Variants in RASA3 observed in about 807,000 individuals in gnomAD.
RASA3 encodes the protein ras GTPase-activating protein 3.
RASA3 carries 73 observed loss-of-function variants against 110.0 expected under a neutral mutation model. That is an observed-to-expected ratio of 0.66 (90% CI 0.55 to 0.81). The LOEUF is 0.81. Ranked by LOEUF, RASA3 falls within the 30% of genes least tolerant of loss-of-function variation. The pLI is 0.00. For missense variants in RASA3, 976 were observed against 1,113.2 expected (o/e 0.88, Z 1.75); for synonymous variants, 500 against 451.4 (o/e 1.11, Z -1.37).
intron 3 of RASA3, among the ~76,000 whole-genome samples, chr13:114,043,732 T>G (rs2078978982): frequency 1.3e-5 from 2 of 151,756 alleles, no homozygotes; most frequent in African/African-American, 4.8e-5. Flanking sequence ...CAGAGAGAAA[T>G]CCAGTGACAC....
chr13:114,101,562 C>G (rs1364675900), intron 1 of RASA3, among the ~76,000 whole-genome samples: 2 of 152,266 alleles, frequency 1.3e-5, no homozygotes, highest in Non-Finnish European at 2.9e-5. Context: ...CCAGCCGGCA[C>G]TGCACGCCGG....
intron 1 of RASA3, among the ~76,000 whole-genome samples, chr13:114,079,983 C>T (rs1022696933): frequency 1.3e-5 from 2 of 152,230 alleles, no homozygotes; most frequent in Non-Finnish European, 2.9e-5. Flanking sequence ...CCCCACGACC[C>T]CTGGCAACAC....
Position 113,992,488 on chromosome 13 carries a change from G to C in RASA3, c.2242C>G (p.Gln748Glu). 6.2e-7 allele frequency: 1 copy of C among 1,611,858 alleles called. No individual in the cohort carries two copies. Among genetic ancestry groups the C allele is most frequent in the Non-Finnish European group, 8.5e-7 (1 of 1,178,714 alleles). ...NLYMSKLEKM[Q>E]EACGSKSVYD... Reference sequence around the variant, plus strand: ...TCTGTGTGCCGGGCAGACTCACCCTGCATCTTCTCCAGCTTGCTCATGTAC... The same window carrying C: ...TCTGTGTGCCGGGCAGACTCACCCTCCATCTTCTCCAGCTTGCTCATGTAC... The change falls in exon 22 of 24, where the codon CAG (glutamine) becomes GAG (glutamate). Residue 748 changes from glutamine to glutamate, a missense_variant. Gln to Glu is a conservative substitution (Grantham distance 29). Around this residue, in one of 4 missense-constraint regions of RASA3, gnomAD observed 132 missense variants for 152.8 expected, o/e 0.86. Transcript: ENST00000334062.
At chr13:114,117,414 G>T (rs2080300794) in intron 1 of RASA3, among the ~76,000 whole-genome samples, 1 of 147,320 alleles carries the variant, frequency 6.8e-6, no homozygotes, top group Non-Finnish European at 1.5e-5. Context: ...TCTGTGAGGG[G>T]TGCATGCAAT....
chr13:114,055,396 C>T (rs1254794704), intron 2 of RASA3, among the ~76,000 whole-genome samples: 3 of 152,236 alleles, frequency 2.0e-5, no homozygotes, highest in East Asian at 1.9e-4. Context: ...CGGGGCAGGA[C>T]GCACACTCCC....
At chr13:114,105,587 A>G (rs1400106290) in intron 1 of RASA3, among the ~76,000 whole-genome samples, 1 of 152,166 alleles carries the variant, frequency 6.6e-6, no homozygotes, top group Non-Finnish European at 1.5e-5. Context: ...TGACAAGGCC[A>G]CAGGCACATC....
In RASA3 at chr13:114,075,834, CGG is replaced by C. The variant is rs1282393523; in HGVS notation, c.56-1999_56-1998del. Among the ~76,000 whole-genome samples, 126 of 74,448 alleles carry C rather than the reference CGG, an allele frequency of 1.7e-3. 38 individuals are homozygous for C. The highest frequency in any genetic ancestry group is 5.1e-3 in the South Asian group (9 of 1,760). 48.8% of individuals were successfully genotyped at this position (74,448 alleles called of 152,430 possible). A position where few individuals can be genotyped will look rare whatever the true frequency, so the allele number is the denominator to read the frequency against. ...GCCGGCAGGACGAAGCCTCCCGTGT[CGG>C]CGCCGCGTATCTCTACGTGTGGAGG... On this transcript the variant is annotated intron_variant, in intron 1 of 23. Coordinates refer to ENST00000334062, the MANE Select transcript of RASA3 (RefSeq NM_007368.4).
rs540087859 is a variant in RASA3 at position 114,087,529 on chromosome 13, G to A, written c.56-13692C>T. Among the ~76,000 whole-genome samples, 11 of 152,330 alleles carry A rather than the reference G, an allele frequency of 7.2e-5. 1 individual carries two copies. The highest frequency in any genetic ancestry group is 3.9e-4 in the East Asian group (2 of 5,180). On this transcript the variant is annotated intron_variant, in intron 1 of 23. Coordinates refer to ENST00000334062, the MANE Select transcript of RASA3 (RefSeq NM_007368.4). ...AAGTTTCCAGAGCCGGCGGGATTGC[G>A]GGGGCACCTGGGAAGGCAAAGTCAC...
At chr13:114,099,433 C>T (rs775772165) in intron 1 of RASA3, among the ~76,000 whole-genome samples, 6 of 151,878 alleles carry the variant, frequency 4.0e-5, no homozygotes, top group Non-Finnish European at 4.4e-5. Flanking sequence ...GCGACTGCCT[C>T]TCCCTTTCCA....
At chr13:114,028,688 C>G in intron 5 of RASA3, among the ~76,000 whole-genome samples, 1 of 115,344 alleles carries the variant, frequency 8.7e-6, no homozygotes, top group Non-Finnish European at 1.8e-5. Context: ...CATCCTGGGG[C>G]CAGGACCTCT....
intron 4 of RASA3, chr13:114,035,910 A>G (rs1419844874): frequency 6.6e-6 from 1 of 152,268 alleles, no homozygotes; most frequent in Non-Finnish European, 1.5e-5. Context: ...CAGAGGCTGT[A>G]GCAGGAGGCT....
chr13:114,123,746 G>T (rs2080409828), intron 1 of RASA3, among the ~76,000 whole-genome samples: 1 of 152,214 alleles, frequency 6.6e-6, no homozygotes, highest in African/African-American at 2.4e-5. Flanking sequence ...CACGGGGTGG[G>T]CCATGCGGGG....
intron 4 of RASA3, among the ~76,000 whole-genome samples, 159 bp from the exon 5 acceptor site, chr13:114,030,046 C>T (rs2274710): frequency 0.42 from 63,364 of 152,142 alleles, 13,308 homozygotes; most frequent in Middle Eastern, 0.54. Flanking sequence ...ACCCCCGGGA[C>T]GCAGGGTCCC....
intron 4 of RASA3, among the ~76,000 whole-genome samples, chr13:114,037,384 C>T (rs1238062230): frequency 5.9e-5 from 9 of 152,126 alleles, no homozygotes; most frequent in Non-Finnish European, 8.8e-5. Context: ...GAGGATGTCA[C>T]GCAGAGCGAC....
intron 1 of RASA3, among the ~76,000 whole-genome samples, chr13:114,094,258 T>C (rs1319418965): frequency 2.6e-5 from 4 of 152,348 alleles, no homozygotes; most frequent in Admixed American, 6.5e-5. Flanking sequence ...CATTACCATA[T>C]GATCCACCAA....
rs2054045351 is a variant in RASA3 at position 114,027,372 on chromosome 13, C to T, written c.603+17G>A. 6.3e-7 allele frequency: 1 copy of T among 1,586,780 alleles called. No homozygotes were observed. The highest frequency in any genetic ancestry group is 1.7e-5 in the Admixed American group (1 of 59,916). On this transcript the variant is annotated intron_variant, in intron 7 of 23. Transcript: ENST00000334062. Reference sequence around the variant, plus strand: ...GTGCAGAGTTTCCACTTAACGTTGACCCATGAAGATACCAACCTCAAAATA... The same window carrying T: ...GTGCAGAGTTTCCACTTAACGTTGATCCATGAAGATACCAACCTCAAAATA...
chr13:114,090,106 G>A (rs1426017418), intron 1 of RASA3, among the ~76,000 whole-genome samples: 2 of 152,194 alleles, frequency 1.3e-5, no homozygotes, highest in Non-Finnish European at 2.9e-5. Context: ...CCGCTGTGAA[G>A]TGTGCACAAG....
At chr13:114,116,224 C>G (rs2080273342) in intron 1 of RASA3, among the ~76,000 whole-genome samples, 1 of 152,216 alleles carries the variant, frequency 6.6e-6, no homozygotes, top group Non-Finnish European at 1.5e-5. Flanking sequence ...AGACACCCCT[C>G]CCCTCGGGCC....
At chr13:113,980,621 C>T (rs117747487) in intron 23 of RASA3, among the ~76,000 whole-genome samples, 4 of 152,384 alleles carry the variant, frequency 2.6e-5, no homozygotes, top group Non-Finnish European at 5.9e-5. Context: ...AACGAGGCAA[C>T]ATATTTGGAA....
Sources: gnomAD v4.1 joint callset for allele counts (sites outside exome capture counted in the v4.1 genomes callset) on GRCh38, gnomAD v4.1.1 for gene constraint, gnomAD v4.1.1 regional missense constraint, MANE v1.5 for transcripts, NCBI Gene and HGNC (gene_info 2026-07-23, HGNC 2026-07-21) for gene names.